Variants in PLA2G4F observed in about 807,000 individuals in gnomAD.
PLA2G4F encodes the protein cytosolic phospholipase A2 zeta.
Under a neutral mutation model 103.1 loss-of-function variants are expected in PLA2G4F, and 105 were observed. The observed-to-expected ratio is 1.02, with a 90% confidence interval of 0.87 to 1.20. The LOEUF is 1.20. Among genes scored for constraint, PLA2G4F ranks in the 50% most tolerant of loss-of-function variants. PLA2G4F has a pLI of 0.00. For missense variants in PLA2G4F, 1,155 were observed against 1,075.9 expected (o/e 1.07, Z -1.03); for synonymous variants, 468 against 441.1 (o/e 1.06, Z -0.76).
At chr15:42,152,512 G>A (rs1042454059) in intron 7 of PLA2G4F, among the ~76,000 whole-genome samples, 176 bp downstream of exon 7, 1 of 152,330 alleles carries the variant, frequency 6.6e-6, no homozygotes, top group Non-Finnish European at 1.5e-5. Context: ...CTCTTTGCTC[G>A]AACACTTCCA....
intron 16 of PLA2G4F, among the ~76,000 whole-genome samples, chr15:42,145,238 CA>C (rs1201745912): frequency 6.6e-6 from 1 of 152,140 alleles, no homozygotes; most frequent in African/African-American, 2.4e-5. Context: ...AAAAGTGATC[CA>C]GGGGAGAAAA....
In PLA2G4F at chr15:42,156,458, G is replaced by A. The variant is rs1474453165; in HGVS notation, c.92C>T (p.Pro31Leu). The change falls in exon 1 of 20, where the codon CCT becomes CTT. Residue 31 changes from proline (P) to leucine (L), a missense_variant. Pro to Leu is a moderately conservative substitution (Grantham distance 98, BLOSUM62 -3). This residue lies in a region of PLA2G4F where 370 missense variants were observed against 364.9 expected (regional missense o/e 1.01). Coordinates refer to ENST00000397272, the MANE Select transcript of PLA2G4F (RefSeq NM_213600.4). ...CGTTACCCGCCAGTGCCTCCACAGAGGGCCCCTCTTCTCTCTCTTCTGAAG... is the reference window on the plus strand; with the variant it reads ...CGTTACCCGCCAGTGCCTCCACAGAAGGCCCCTCTTCTCTCTCTTCTGAAG... ...VLLQKREKRGPLWRHWRRETY... is the reference protein window; with the variant it reads ...VLLQKREKRGLLWRHWRRETY... The A allele has an allele frequency of 1.3e-6, 2 of 1,563,574 alleles. No individual in the cohort carries two copies. The highest frequency in any genetic ancestry group is 2.7e-5 in the African/African-American group (2 of 73,914).
At chr15:42,150,994 G>A (rs2048955619) in intron 7 of PLA2G4F, 1 of 985,466 alleles carries the variant, frequency 1.0e-6, no homozygotes, top group African/African-American at 1.7e-5. Context: ...TGGGACTCGG[G>A]AAGGGTGGGA....
chr15:42,149,576 C>T (rs2048931614), intron 11 of PLA2G4F, 137 bp downstream of exon 11: 2 of 1,451,932 alleles, frequency 1.4e-6, no homozygotes, highest in African/African-American at 1.4e-5. Context: ...GGGGTCCTAG[C>T]TCTGCCGATG....
intron 2 of PLA2G4F, among the ~76,000 whole-genome samples, chr15:42,154,886 C>G (rs2140817542): frequency 6.6e-6 from 1 of 152,276 alleles, no homozygotes; most frequent in Non-Finnish European, 1.5e-5. Context: ...TCCCCTCCAG[C>G]CCTGCCTGCC....
Position 42,139,350 on chromosome 15 carries a change from A to T in PLA2G4F, c.*2634T>A, listed in dbSNP as rs2048810223. On this transcript the variant is annotated 3_prime_UTR_variant, in exon 20 of 20. Transcript: ENST00000397272. ...TAGCTATTCTCCTCCAAAGCTATGC[A>T]GAGCCTTCCAACCTTTCAGAAGGCC... The T allele has an allele frequency of 6.5e-6, 1 of 152,950 alleles. No homozygotes were observed. The highest frequency in any genetic ancestry group is 2.4e-5 in the African/African-American group (1 of 41,474). The allele number at this position is 152,950 out of a possible 1,614,324, so 9.5% of individuals were successfully genotyped here. A position where few individuals can be genotyped will look rare whatever the true frequency, so the allele number is the denominator to read the frequency against.
At position 42,146,109 on chromosome 15, in the gene PLA2G4F, G is replaced by A. The variant is rs76858307; in HGVS notation, c.1534+18C>T. ...CCCACCTCCTCTACCTCCTTCCTTC[G>A]TCTCCACACCCAGGCACCTGCAAAA... On this transcript the variant is annotated intron_variant, in intron 14 of 19. Coordinates refer to ENST00000397272, the MANE Select transcript of PLA2G4F (RefSeq NM_213600.4). The A allele has an allele frequency of 4.7e-3, 7,612 of 1,611,054 alleles. 316 individuals carry two copies. In the African/African-American group the frequency reaches 0.092, roughly 19 times the overall value.
At chr15:42,144,783 CCTCTGACCAATG>C (rs1482485087) in intron 16 of PLA2G4F, 139 bp from the exon 17 acceptor site, 12 of 891,258 alleles carry the variant, frequency 1.3e-5, no homozygotes, top group Non-Finnish European at 1.9e-5. Flanking sequence ...ACCTCCCAAG[CCTCTGACCAATG>C]CTTCATTGAA....
chr15:42,153,161 G>A, intron 6 of PLA2G4F, 139 bp downstream of exon 6: 1 of 1,010,024 alleles, frequency 9.9e-7, no homozygotes, highest in Non-Finnish European at 1.5e-6. Context: ...CTTTCCCTCT[G>A]GAGGTGCCTC....
At chr15:42,143,357 G>A (rs1400191571) in intron 18 of PLA2G4F, among the ~76,000 whole-genome samples, 1 of 152,078 alleles carries the variant, frequency 6.6e-6, no homozygotes, top group Non-Finnish European at 1.5e-5. Flanking sequence ...ATTAGAAGCT[G>A]ATGTCAGTTT....
chr15:42,146,029 T>G lies in PLA2G4F; in HGVS notation c.1534+98A>C. ...GCCCCGCTGTGCTCCAAGGTGCCTGTGTGCAACCACCTCCTCTGGGTACCC... is the reference window on the plus strand; with the variant it reads ...GCCCCGCTGTGCTCCAAGGTGCCTGGGTGCAACCACCTCCTCTGGGTACCC... On this transcript the variant is annotated intron_variant, in intron 14 of 19. Transcript: ENST00000397272. The G allele has an allele frequency of 7.6e-6, 12 of 1,577,568 alleles. No individual in the cohort carries two copies. In the South Asian group the frequency reaches 1.3e-4, roughly 18 times the overall value.
rs997353569 is a variant in PLA2G4F at position 42,140,971 on chromosome 15, A to G, written c.*1013T>C. The G allele has an allele frequency of 2.1e-5, 7 of 331,856 alleles. No individual in the cohort carries two copies. The highest frequency in any genetic ancestry group is 3.6e-5 in the Non-Finnish European group (6 of 167,104). 20.6% of individuals were successfully genotyped at this position (331,856 alleles called of 1,614,324 possible). ...CACTAGAGAGGTTCTAGGTATTTGGAGAGTCCCTGGCGGGTCAGGGGAAAT... is the reference window on the plus strand; with the variant it reads ...CACTAGAGAGGTTCTAGGTATTTGGGGAGTCCCTGGCGGGTCAGGGGAAAT... On this transcript the variant is annotated 3_prime_UTR_variant, in exon 20 of 20. Coordinates refer to ENST00000397272, the MANE Select transcript of PLA2G4F (RefSeq NM_213600.4).
At chr15:42,142,395 G>T in intron 19 of PLA2G4F, 133 bp downstream of exon 19, 2 of 1,224,260 alleles carry the variant, frequency 1.6e-6, no homozygotes, top group Non-Finnish European at 2.2e-6. Flanking sequence ...GGGAGCAGAG[G>T]GCCACAGGGG....
intron 10 of PLA2G4F, 120 bp from the exon 11 acceptor site, chr15:42,149,968 C>G (rs1000176675): frequency 4.3e-5 from 66 of 1,529,496 alleles, no homozygotes; most frequent in Non-Finnish European, 5.8e-5. Flanking sequence ...CCCACCAGCA[C>G]CAGAACCAGG....
At chr15:42,150,524 G>A in intron 8 of PLA2G4F, 38 bp from the exon 9 acceptor site, 1 of 1,602,228 alleles carries the variant, frequency 6.2e-7, no homozygotes, top group Non-Finnish European at 8.5e-7. Flanking sequence ...TCTCCAGCAG[G>A]GAAGAAAAGT....
chr15:42,141,300 G>A lies in PLA2G4F; in HGVS notation c.*684C>T. The A allele has an allele frequency of 2.2e-6, 1 of 456,714 alleles. No individual in the cohort carries two copies. Among genetic ancestry groups the A allele is most frequent in the South Asian group, 1.5e-5 (1 of 64,576 alleles). The allele number at this position is 456,714 out of a possible 1,614,324, so 28.3% of individuals were successfully genotyped here. A position where few individuals can be genotyped will look rare whatever the true frequency, so the allele number is the denominator to read the frequency against. On this transcript the variant is annotated 3_prime_UTR_variant, in exon 20 of 20. Coordinates refer to ENST00000397272, the MANE Select transcript of PLA2G4F (RefSeq NM_213600.4). Reference sequence around the variant, plus strand: ...TCGAAGAGTGAAGCCTGGGTAACTGGCAGGGAGACACGCGCACATCTCCCA... The same window carrying A: ...TCGAAGAGTGAAGCCTGGGTAACTGACAGGGAGACACGCGCACATCTCCCA...
At chr15:42,146,300 T>G (rs1489018641) in intron 13 of PLA2G4F, 59 bp from the exon 14 acceptor site, 1 of 1,512,016 alleles carries the variant, frequency 6.6e-7, no homozygotes, top group Non-Finnish European at 9.2e-7. Flanking sequence ...CCCATCCCCG[T>G]GGCCTGGGGC....
chr15:42,142,592 G>A lies in PLA2G4F; in HGVS notation c.2265C>T (p.Pro755=), dbSNP rs1175313616. ...ECYLFAKAED[P]RSPIVLHFPL... Reference sequence around the variant, plus strand: ...GGAAGTGCAGCACAATGGGGGAGCGGGGGTCCTCAGCCTTGGCAAACAGAT... The same window carrying A: ...GGAAGTGCAGCACAATGGGGGAGCGAGGGTCCTCAGCCTTGGCAAACAGAT... Residue 755 remains proline (P), a synonymous_variant, in exon 19 of 20, where the codon CCC becomes CCT. Coordinates refer to ENST00000397272, the MANE Select transcript of PLA2G4F (RefSeq NM_213600.4). 1 of 1,613,986 alleles carries A rather than the reference G, an allele frequency of 6.2e-7. No individual in the cohort carries two copies. The highest frequency in any genetic ancestry group is 1.3e-5 in the African/African-American group (1 of 74,908).
chr15:42,151,837 A>C (rs1394556020), intron 7 of PLA2G4F, among the ~76,000 whole-genome samples: 1 of 152,156 alleles, frequency 6.6e-6, no homozygotes, highest in Non-Finnish European at 1.5e-5. Context: ...GCCCGTGAGC[A>C]AGTGTTTTCT....
Sources: gnomAD v4.1 joint callset for allele counts (sites outside exome capture counted in the v4.1 genomes callset) on GRCh38, gnomAD v4.1.1 for gene constraint, gnomAD v4.1.1 regional missense constraint, MANE v1.5 for transcripts, NCBI Gene and HGNC (gene_info 2026-07-23, HGNC 2026-07-21) for gene names.